Variants in CCDC73 observed in about 807,000 individuals in gnomAD.
The protein encoded by CCDC73 is coiled-coil domain-containing protein 73.
Under a neutral mutation model 116.5 loss-of-function variants are expected in CCDC73, and 95 were observed. The ratio of observed to expected loss-of-function variants is 0.82; its 90% CI spans 0.69 to 0.97. The LOEUF is 0.97. CCDC73 is among the 50% of genes least tolerant of loss of function. The pLI is 0.00. For missense variants in CCDC73, 1,066 were observed against 1,206.8 expected, an observed-to-expected ratio of 0.88 and a Z score of 1.73; for synonymous variants, 398 against 401.3, an observed-to-expected ratio of 0.99 and a Z score of 0.10.
intron 2 of CCDC73, among the ~76,000 whole-genome samples, chr11:32,729,010 CT>C (rs527449145): frequency 2.5e-3 from 357 of 144,466 alleles, no homozygotes; most frequent in African/African-American, 6.2e-3. Context: ...CAGCCCAATT[CT>C]TTTTTTTTTT....
At chr11:32,639,419 A>G (rs1590561784) in intron 13 of CCDC73, among the ~76,000 whole-genome samples, 3 of 151,938 alleles carry the variant, frequency 2.0e-5, no homozygotes, top group African/African-American at 7.3e-5. Flanking sequence ...CACATAGTAT[A>G]TGCTCAATAA....
At chr11:32,697,845 C>T (rs895212846) in intron 6 of CCDC73, among the ~76,000 whole-genome samples, 1 of 151,188 alleles carries the variant, frequency 6.6e-6, no homozygotes, top group African/African-American at 2.4e-5. Flanking sequence ...ATATGCAGGT[C>T]TGTTATATAG....
At chr11:32,724,734 C>T (rs914923153) in intron 2 of CCDC73, among the ~76,000 whole-genome samples, 9 of 152,122 alleles carry the variant, frequency 5.9e-5, no homozygotes, top group Admixed American at 1.3e-4. Context: ...AAGATATATG[C>T]TTTCCAGGTC....
In CCDC73 at chr11:32,654,008, TTCATTAATCTTC is replaced by T. The variant is rs1855850047; in HGVS notation, c.792_803del (p.Lys265_Glu268del). 6.3e-7 allele frequency: 1 copy of T among 1,599,186 alleles called. No homozygotes were observed. The highest frequency in any genetic ancestry group is 8.5e-7 in the Non-Finnish European group (1 of 1,172,158). ...TTTCTTCTTGAATATGGGTAATCTC[TTCATTAATCTTC>T]TCATTTAATTCCAATTCCTTTAAAA... On this transcript the variant is annotated inframe_deletion, in exon 11 of 18. Coordinates refer to ENST00000335185, the MANE Select transcript of CCDC73 (RefSeq NM_001008391.4).
At chr11:32,695,636 C>G (rs1241009120) in intron 6 of CCDC73, among the ~76,000 whole-genome samples, 1 of 152,038 alleles carries the variant, frequency 6.6e-6, no homozygotes, top group East Asian at 1.9e-4. Flanking sequence ...GAGTTTCTTT[C>G]AAACTTCACT....
the CCDC73 span, among the ~76,000 whole-genome samples, chr11:32,799,823 T>G: frequency 6.6e-6 from 1 of 152,242 alleles, no homozygotes; most frequent in Non-Finnish European, 1.5e-5. Flanking sequence ...AATAGGTTTC[T>G]GCAGCCTACT....
chr11:32,615,726 T>G, intron 15 of CCDC73: 1 of 402,454 alleles, frequency 2.5e-6, no homozygotes, highest in Non-Finnish European at 4.4e-6. Context: ...ACAGAAAGGT[T>G]ATCTGAATTA....
chr11:32,770,251 G>A (rs1161140670), intron 1 of CCDC73, among the ~76,000 whole-genome samples: 1 of 152,154 alleles, frequency 6.6e-6, no homozygotes, highest in Non-Finnish European at 1.5e-5. Context: ...GTATTTTTAA[G>A]AGTTCAAAGG....
At chr11:32,741,547 C>T (rs548098675) in intron 2 of CCDC73, among the ~76,000 whole-genome samples, 41 of 151,882 alleles carry the variant, frequency 2.7e-4, no homozygotes, top group Non-Finnish European at 5.0e-4. Context: ...TTTTTCATCC[C>T]TTTATTTTTA....
rs527554417 is a variant in CCDC73, at chr11:32,650,680, T to A, written c.939+2443A>T. On this transcript the variant is annotated intron_variant, in intron 12 of 17. Transcript: ENST00000335185. ...AGAAGGGAGAGGTCTGACATTAGGATACCACCTCTCCCTCCCTCTTCTATA... is the reference window on the plus strand; with the variant it reads ...AGAAGGGAGAGGTCTGACATTAGGAAACCACCTCTCCCTCCCTCTTCTATA... Among the ~76,000 whole-genome samples, 8 of 152,240 alleles carry A rather than the reference T, an allele frequency of 5.3e-5. 1 individual carries two copies. In the South Asian group the frequency reaches 1.5e-3, roughly 28 times the overall value.
intron 4 of CCDC73, among the ~76,000 whole-genome samples, chr11:32,702,181 G>C (rs951485878): frequency 3.9e-5 from 6 of 151,940 alleles, no homozygotes; most frequent in African/African-American, 1.4e-4. Context: ...AAATAGGAAA[G>C]GAAAAAGGAA....
chr11:32,829,904 C>T, the CCDC73 span: 1 of 985,540 alleles, frequency 1.0e-6, no homozygotes, highest in African/African-American at 1.7e-5. Context: ...CCAGGTGTCC[C>T]CAGGTAGCCG....
rs1565099211 is a variant in CCDC73 at position 32,776,935 on chromosome 11, A to AT, written c.-15-16678_-15-16677insA. 7.2e-3 allele frequency among the ~76,000 whole-genome samples: 211 copies of AT among 29,412 alleles called. 3 individuals carry two copies. In the South Asian group the frequency reaches 0.11, roughly 16 times the overall value. 19.3% of individuals were successfully genotyped at this position (29,412 alleles called of 152,430 possible). Reference sequence around the variant, plus strand: ...CCTACAGAGTATGGTTAAAAAAAAAAAATATATATATATATATATATATAT... The same window carrying AT: ...CCTACAGAGTATGGTTAAAAAAAAAATAATATATATATATATATATATATAT... On this transcript the variant is annotated intron_variant, in intron 1 of 17. Coordinates refer to ENST00000335185, the MANE Select transcript of CCDC73 (RefSeq NM_001008391.4).
chr11:32,747,320 G>A (rs981915831), intron 2 of CCDC73, among the ~76,000 whole-genome samples: 4 of 152,048 alleles, frequency 2.6e-5, no homozygotes, highest in East Asian at 1.9e-4. Context: ...CAGAGGGAGG[G>A]GCACCTGCCT....
upstream of CCDC73, among the ~76,000 whole-genome samples, chr11:32,799,495 T>A (rs1002879191): frequency 1.3e-5 from 2 of 152,176 alleles, no homozygotes; most frequent in Admixed American, 6.5e-5. Flanking sequence ...GGGTTTTTTT[T>A]AATGAATAGA....
intron 1 of CCDC73, among the ~76,000 whole-genome samples, chr11:32,790,120 T>C (rs955897262): frequency 6.6e-6 from 1 of 152,130 alleles, no homozygotes; most frequent in Non-Finnish European, 1.5e-5. Flanking sequence ...GAAGATGAGA[T>C]GAGGCTTGAG....
At position 32,602,966 on chromosome 11, in the gene CCDC73, T is replaced by C; in HGVS notation, c.3085A>G (p.Lys1029Glu). Residue 1029 changes from lysine (K) to glutamate (E), a missense_variant, in exon 18 of 18, where the codon AAG (lysine) becomes GAG (glutamate). Transcript: ENST00000335185. ...TPLQSHLQAI[K>E]TTKNTSGDDD... ...TCACCAGAAGTATTTTTAGTCGTCT[T>C]GATTGCCTGCAAATGGCTTTGTAGT... is the stretch of plus-strand genomic sequence containing the variant. The C allele has an allele frequency of 6.2e-7, 1 of 1,613,600 alleles. No individual in the cohort carries two copies. Among genetic ancestry groups the C allele is most frequent in the Middle Eastern group, 1.7e-4 (1 of 6,058 alleles).
intron 2 of CCDC73, among the ~76,000 whole-genome samples, chr11:32,719,988 C>T (rs1037593336): frequency 1.3e-5 from 2 of 152,108 alleles, no homozygotes; most frequent in Admixed American, 1.3e-4. Context: ...AGAATTAACA[C>T]CACTTTTACA....
At chr11:32,634,687 T>C (rs151021175) in intron 14 of CCDC73, among the ~76,000 whole-genome samples, 1 of 152,288 alleles carries the variant, frequency 6.6e-6, no homozygotes, top group African/African-American at 2.4e-5. Context: ...AGAAAAAGCA[T>C]ACAGCATTTT....
Sources: allele counts gnomAD v4.1 joint callset (sites outside exome capture counted in the v4.1 genomes callset), GRCh38; gene constraint gnomAD v4.1.1; transcripts MANE v1.5; gene names NCBI Gene and HGNC (gene_info 2026-07-23, HGNC 2026-07-21).